The following NIBAN1 variants were observed in gnomAD, a reference collection of about 807,000 sequenced individuals.
NIBAN1 encodes the protein niban apoptosis regulator 1.
A neutral mutation model predicts 75.1 loss-of-function variants in NIBAN1; 81 were observed. The observed-to-expected ratio is 1.08, with a 90% CI of 0.90 to 1.30. The LOEUF is 1.30. NIBAN1 is among the 50% of genes most tolerant of loss of function. NIBAN1 has a pLI of 0.00. For missense variants in NIBAN1, 1,133 were observed against 1,128.1 expected (o/e 1.00, Z -0.06); for synonymous variants, 436 against 424.8 (o/e 1.03, Z -0.32).
intron 13 of NIBAN1, 121 bp from the exon 14 acceptor site, chr1:184,796,218 C>A (rs1443744427): frequency 7.7e-6 from 8 of 1,036,008 alleles, no homozygotes; most frequent in Admixed American, 3.2e-5. Context: ...ATCCAGGGAG[C>A]CTTCCCTGAT....
chr1:184,811,734 C>T (rs1196899769), intron 9 of NIBAN1, among the ~76,000 whole-genome samples: 2 of 151,992 alleles, frequency 1.3e-5, no homozygotes, highest in Admixed American at 6.5e-5. Context: ...CCTCACGATC[C>T]GCCCGCCTCG....
intron 5 of NIBAN1, among the ~76,000 whole-genome samples, chr1:184,878,410 T>TA (rs1034913525): frequency 2.6e-5 from 4 of 152,332 alleles, no homozygotes; most frequent in African/African-American, 9.6e-5. Flanking sequence ...CTTTACAAAT[T>TA]AGAGTTTTTA....
At chr1:184,960,473 T>A (rs1658601409) in intron 1 of NIBAN1, among the ~76,000 whole-genome samples, 2 of 152,230 alleles carry the variant, frequency 1.3e-5, no homozygotes, top group African/African-American at 4.8e-5. Flanking sequence ...ATTAAGCAAA[T>A]ATTTATCTGT....
At chr1:184,959,735 C>A (rs1050234102) in intron 1 of NIBAN1, among the ~76,000 whole-genome samples, 4 of 152,182 alleles carry the variant, frequency 2.6e-5, no homozygotes, top group African/African-American at 9.7e-5. Context: ...TCCAGAGCAG[C>A]CTTCTAGTCT....
At position 184,798,147 on chromosome 1, in the gene NIBAN1, T is replaced by C. The variant is rs769382191; in HGVS notation, c.1598A>G (p.Asn533Ser). Reference protein sequence around the residue: ...YEQFIFADHTNMIHVENVYEE... With the variant: ...YEQFIFADHTSMIHVENVYEE... ...ATAGACATTTTCAACGTGAATCATA[T>C]TGGTATGATCTGCAAAGATGAACTG... Residue 533 changes from asparagine (N) to serine (S), a missense_variant, in exon 13 of 14, where the codon AAT (asparagine) becomes AGT (serine). Asn to Ser is a conservative substitution (Grantham distance 46, BLOSUM62 1). Transcript: ENST00000367511. The C allele has an allele frequency of 9.9e-6, 16 of 1,611,044 alleles. No individual in the cohort carries two copies. The Admixed American group carries it at 2.0e-4, about 20-fold the overall frequency.
At chr1:184,874,227 C>G (rs1446382608) in intron 5 of NIBAN1, among the ~76,000 whole-genome samples, 1 of 151,480 alleles carries the variant, frequency 6.6e-6, no homozygotes, top group Admixed American at 6.6e-5. Flanking sequence ...AATAATCAAT[C>G]CAGAAGTCAA....
At position 184,948,317 on chromosome 1, in the gene NIBAN1, G is replaced by A. The variant is rs867012689; in HGVS notation, c.55+25985C>T. Among the ~76,000 whole-genome samples, 19 of 152,260 alleles carry A rather than the reference G, an allele frequency of 1.2e-4. No homozygotes were observed. In the Middle Eastern group the frequency reaches 0.01, roughly 82 times the overall value. ...ATTTATTCATTCATGCCACAAGCAA[G>A]TTGACCTTAATAGGACAGATATCCT... On this transcript the variant is annotated intron_variant, in intron 1 of 13. Transcript: ENST00000367511.
At chr1:184,802,404 A>G (rs1456979870) in intron 12 of NIBAN1, among the ~76,000 whole-genome samples, 2 of 151,614 alleles carry the variant, frequency 1.3e-5, no homozygotes, top group East Asian at 3.9e-4. Flanking sequence ...GAAAAAAAAA[A>G]TCCTAAGCAG....
intron 1 of NIBAN1, among the ~76,000 whole-genome samples, chr1:184,952,514 A>T (rs1190493572): frequency 6.6e-6 from 1 of 152,222 alleles, no homozygotes; most frequent in Non-Finnish European, 1.5e-5. Context: ...AAGAAGAAGA[A>T]TTGTCTTGGG....
At chr1:184,945,625 GT>G (rs764623227) in intron 1 of NIBAN1, among the ~76,000 whole-genome samples, 3 of 152,130 alleles carry the variant, frequency 2.0e-5, no homozygotes, top group Admixed American at 6.5e-5. Flanking sequence ...CATATTTTAA[GT>G]TAAAAGATTC....
intron 6 of NIBAN1, among the ~76,000 whole-genome samples, chr1:184,830,703 G>A (rs1042777888): frequency 5.4e-5 from 8 of 149,318 alleles, no homozygotes; most frequent in African/African-American, 2.0e-4. Context: ...AGGAGATGTG[G>A]AAAAAAAAAA....
At chr1:184,931,604 A>AT (rs1456309317) in intron 1 of NIBAN1, among the ~76,000 whole-genome samples, 10 of 152,226 alleles carry the variant, frequency 6.6e-5, no homozygotes, top group Admixed American at 5.9e-4. Flanking sequence ...AATGACCACA[A>AT]TTCTGTATTT....
chr1:184,926,821 T>C (rs1043037156), intron 1 of NIBAN1, among the ~76,000 whole-genome samples: 3 of 152,182 alleles, frequency 2.0e-5, no homozygotes, highest in African/African-American at 7.2e-5. Flanking sequence ...GGCTATTTTC[T>C]AGATCTTCTA....
At chr1:184,938,177 C>T (rs1274637123) in intron 1 of NIBAN1, among the ~76,000 whole-genome samples, 1 of 152,122 alleles carries the variant, frequency 6.6e-6, no homozygotes, top group Non-Finnish European at 1.5e-5. Context: ...TTGGGGAATG[C>T]ACACACAAAA....
At chr1:184,905,699 CT>C (rs1359078876) in intron 1 of NIBAN1, among the ~76,000 whole-genome samples, 1 of 152,154 alleles carries the variant, frequency 6.6e-6, no homozygotes, top group Admixed American at 6.6e-5. Context: ...GCAATCACAC[CT>C]TCTTTGGCAT....
chr1:184,912,138 TA>T (rs1478173528), intron 1 of NIBAN1, among the ~76,000 whole-genome samples: 2 of 152,206 alleles, frequency 1.3e-5, no homozygotes, highest in African/African-American at 4.8e-5. Flanking sequence ...CACATTATGA[TA>T]TATAGCTCAT....
intron 1 of NIBAN1, among the ~76,000 whole-genome samples, chr1:184,927,930 C>T (rs1216926094): frequency 6.6e-6 from 1 of 151,832 alleles, no homozygotes; most frequent in Admixed American, 6.6e-5. Flanking sequence ...CTCTCTGTGG[C>T]CCCCACAGCT....
intron 9 of NIBAN1, among the ~76,000 whole-genome samples, chr1:184,817,404 G>A (rs1183404793): frequency 6.6e-6 from 1 of 152,168 alleles, no homozygotes; most frequent in Non-Finnish European, 1.5e-5. Flanking sequence ...GGGATGGCTG[G>A]GTCAAATGGT....
At chr1:184,885,010 C>T (rs529494560) in intron 4 of NIBAN1, among the ~76,000 whole-genome samples, 1 of 152,260 alleles carries the variant, frequency 6.6e-6, no homozygotes, top group South Asian at 2.1e-4. Context: ...GCCTGGCCTC[C>T]TACCCAACAT....
Sources: gnomAD v4.1 joint callset for allele counts (sites outside exome capture counted in the v4.1 genomes callset) on GRCh38, gnomAD v4.1.1 for gene constraint, MANE v1.5 for transcripts, NCBI Gene and HGNC (gene_info 2026-07-23, HGNC 2026-07-21) for gene names.